The following FRMD1 variants were observed in gnomAD, a reference collection of about 807,000 sequenced individuals.
FRMD1 encodes the protein FERM domain containing 1, also known as FERM domain-containing protein 1.
A neutral mutation model predicts 54.9 loss-of-function variants in FRMD1; 51 were observed. That is an observed-to-expected ratio of 0.93 (90% CI 0.74 to 1.17). The LOEUF (loss-of-function observed/expected upper bound fraction) is 1.17. Among genes scored for constraint, FRMD1 ranks in the 50% most tolerant of loss-of-function variants. The pLI, the probability that FRMD1 is intolerant of heterozygous loss-of-function variation, is 0.00. For synonymous variants in FRMD1, 324 were observed against 306.4 expected (o/e 1.06, Z -0.60); for missense variants, 729 against 743.0 (o/e 0.98, Z 0.22).
At chr6:168,075,388 G>A in intron 1 of FRMD1, 53 bp from the exon 2 acceptor site, 3 of 1,479,358 alleles carry the variant, frequency 2.0e-6, no homozygotes, top group Admixed American at 1.7e-5. Context: ...TGTCCCCAGG[G>A]AGGCCACCTC....
chr6:168,064,642 C>T (rs1017142983), intron 5 of FRMD1, among the ~76,000 whole-genome samples: 44 of 152,226 alleles, frequency 2.9e-4, no homozygotes, highest in Admixed American at 2.6e-3. Flanking sequence ...CACAGGCACC[C>T]ACACCTGCCT....
At chr6:168,060,710 G>C in intron 9 of FRMD1, 51 bp downstream of exon 9, 2 of 1,558,008 alleles carry the variant, frequency 1.3e-6, no homozygotes, top group Non-Finnish European at 1.7e-6. Flanking sequence ...GCTGGGGCTG[G>C]CTGGACCACA....
chr6:168,069,359 T>C (rs1205049158), intron 2 of FRMD1, among the ~76,000 whole-genome samples: 1 of 152,226 alleles, frequency 6.6e-6, no homozygotes, highest in Admixed American at 6.5e-5. Flanking sequence ...TACTGCAAAG[T>C]CAAAATATTT....
Position 168,061,826 on chromosome 6 carries a change from C to A in FRMD1, c.1026G>T (p.Arg342=). ...CCCCACCTTCTGCCTCCTCCCGCTG[C>A]CGCAGCTGTTGCAGAGTGGGCCGCA... ...LRVRPTLQQL[R]QREEAEEKQH... Residue 342 remains arginine (R), a synonymous_variant, in exon 8 of 11, where the codon CGG becomes CGT. Transcript: ENST00000283309. 6.4e-7 allele frequency: 1 copy of A among 1,561,938 alleles called. No individual in the cohort carries two copies. Among genetic ancestry groups the A allele is most frequent in the Non-Finnish European group, 8.7e-7 (1 of 1,154,514 alleles).
upstream of FRMD1, among the ~76,000 whole-genome samples, chr6:168,080,745 G>C (rs570101436): frequency 1.7e-4 from 26 of 152,228 alleles, 1 homozygote; most frequent in South Asian, 4.2e-3. Flanking sequence ...CCGGGGACAC[G>C]GTGGGGAGTT....
At chr6:168,067,219 G>T in intron 3 of FRMD1, 148 bp downstream of exon 3, 1 of 578,240 alleles carries the variant, frequency 1.7e-6, no homozygotes, top group Admixed American at 2.4e-5. Context: ...ACTGTCCACC[G>T]TGGTGCCCTG....
In FRMD1 at chr6:168,055,049, C is replaced by G. The variant is rs962791930; in HGVS notation, c.*2048G>C. On this transcript the variant is annotated 3_prime_UTR_variant, in exon 11 of 11. Transcript: ENST00000283309. The stretch of plus-strand genomic sequence containing the variant: ...GCCCTACCCGGTAGTTAACAGGCAT[C>G]TGGCATAATTCTCCATGTCTGTCCA... 6.6e-6 allele frequency: 1 copy of G among 152,302 alleles called. No individual in the cohort carries two copies. Among genetic ancestry groups the G allele is most frequent in the African/African-American group, 2.4e-5 (1 of 41,466 alleles). The allele number at this position is 152,302 out of a possible 1,614,324, so 9.4% of individuals were successfully genotyped here. A position where few individuals can be genotyped will look rare whatever the true frequency, so the allele number is the denominator to read the frequency against.
At chr6:168,080,427 C>T (rs73030337), upstream of FRMD1, among the ~76,000 whole-genome samples, 16,152 of 138,254 alleles carry the variant, frequency 0.12, 856 homozygotes, top group African/African-American at 0.14. Context: ...GCTGAGAGCA[C>T]AAAAAGTTTT....
In FRMD1 at chr6:168,059,020, C is replaced by A; in HGVS notation, c.1407+104G>T. The A allele has an allele frequency of 1.2e-6, 1 of 858,792 alleles. No homozygotes were observed. Among genetic ancestry groups the A allele is most frequent in the Non-Finnish European group, 1.8e-6 (1 of 555,878 alleles). The allele number at this position is 858,792 out of a possible 1,614,324, so 53.2% of individuals were successfully genotyped here. A position where few individuals can be genotyped will look rare whatever the true frequency, so the allele number is the denominator to read the frequency against. On this transcript the variant is annotated intron_variant, in intron 10 of 10. Coordinates refer to ENST00000283309, the MANE Select transcript of FRMD1 (RefSeq NM_024919.6). This position sits in a 1 kb window ranked among gnomAD's most constrained non-coding sequence, Gnocchi z 4.4. Reference sequence around the variant, plus strand: ...TCTCTGGGGATGTCAGTCGAGGGACCCTCTGATAGGCCTAGGAAGGTCCCC... The same window carrying A: ...TCTCTGGGGATGTCAGTCGAGGGACACTCTGATAGGCCTAGGAAGGTCCCC...
intron 5 of FRMD1, 89 bp from the exon 6 acceptor site, chr6:168,063,845 CTCCCACAGCTGG>C: frequency 7.0e-7 from 1 of 1,429,994 alleles, no homozygotes; most frequent in Non-Finnish European, 9.3e-7. Context: ...CTTCCCCAGA[CTCCCACAGCTGG>C]TGCCAACCTC....
chr6:168,067,816 T>G (rs998593886), intron 2 of FRMD1, among the ~76,000 whole-genome samples: 3 of 152,112 alleles, frequency 2.0e-5, no homozygotes, highest in Non-Finnish European at 2.9e-5. Context: ...GTTTAAAAAA[T>G]AGAGATGTCA....
chr6:168,062,046 T>G, intron 7 of FRMD1, 65 bp from the exon 8 acceptor site: 1 of 1,500,404 alleles, frequency 6.7e-7, no homozygotes, highest in Non-Finnish European at 9.0e-7. Flanking sequence ...CAGGAAAGGA[T>G]GATTTTAAAT....
At chr6:168,067,238 C>T in intron 3 of FRMD1, 129 bp downstream of exon 3, 19 of 687,740 alleles carry the variant, frequency 2.8e-5, no homozygotes, top group Non-Finnish European at 7.8e-6. Flanking sequence ...TGCTCTCTCC[C>T]AACCCACGCA....
chr6:168,065,732 C>A (rs1043406343), intron 4 of FRMD1: 7 of 988,446 alleles, frequency 7.1e-6, no homozygotes, highest in Admixed American at 6.1e-5. Context: ...CAACCACACA[C>A]CTTTCACTCT....
Position 168,053,871 on chromosome 6 carries a change from C to T in FRMD1, c.*3226G>A, listed in dbSNP as rs1280160026. The stretch of plus-strand genomic sequence containing the variant: ...GCCTCCCAGATGGGCACCTGAGGAC[C>T]CCGGCCTCCTCCTCCTGCTTGGGGT... On this transcript the variant is annotated 3_prime_UTR_variant, in exon 11 of 11. Coordinates refer to ENST00000283309, the MANE Select transcript of FRMD1 (RefSeq NM_024919.6). 6.6e-6 allele frequency: 1 copy of T among 152,212 alleles called. No homozygotes were observed. The highest frequency in any genetic ancestry group is 1.5e-5 in the Non-Finnish European group (1 of 68,100). 9.4% of individuals were successfully genotyped at this position (152,212 alleles called of 1,614,324 possible).
intron 1 of FRMD1, among the ~76,000 whole-genome samples, chr6:168,076,980 C>T (rs184402583): frequency 1.3e-5 from 2 of 152,134 alleles, no homozygotes; most frequent in Admixed American, 6.5e-5. Flanking sequence ...ACTGTAGATA[C>T]GGATGCGTGC....
intron 1 of FRMD1, among the ~76,000 whole-genome samples, chr6:168,087,907 C>T (rs1163274161): frequency 6.6e-6 from 1 of 152,190 alleles, no homozygotes; most frequent in Non-Finnish European, 1.5e-5. Flanking sequence ...ACCCTGGCCC[C>T]AGATCACAGA....
upstream of FRMD1, among the ~76,000 whole-genome samples, chr6:168,082,581 A>G (rs780627021): frequency 5.3e-5 from 8 of 152,076 alleles, no homozygotes; most frequent in Non-Finnish European, 1.0e-4. Context: ...GATGCAGCAC[A>G]TTTTACTCCT....
chr6:168,085,624 G>A (rs114517850), upstream of FRMD1, among the ~76,000 whole-genome samples: 99 of 152,350 alleles, frequency 6.5e-4, no homozygotes, highest in African/African-American at 2.4e-3. Flanking sequence ...AGGGACCAAG[G>A]AGGCCTGGAC....
Sources: allele counts gnomAD v4.1 joint callset (sites outside exome capture counted in the v4.1 genomes callset), GRCh38; gene constraint gnomAD v4.1.1; non-coding constraint Gnocchi (gnomAD v3.1); transcripts MANE v1.5; gene names NCBI Gene and HGNC (gene_info 2026-07-23, HGNC 2026-07-21).